FAR2: variants seen among roughly 807,000 people sequenced by gnomAD.
FAR2 encodes the protein epididymis secretory protein Li 81.
A neutral mutation model predicts 56.0 loss-of-function variants in FAR2; 19 were observed. The observed-to-expected ratio is 0.34, with a 90% confidence interval of 0.24 to 0.50. The LOEUF (loss-of-function observed/expected upper bound fraction) is 0.50. Ranked by LOEUF, FAR2 falls within the 20% of genes least tolerant of loss-of-function variation. The pLI is 0.98. For synonymous variants in FAR2, 219 were observed against 218.8 expected, an observed-to-expected ratio of 1.00 and a Z score of -0.01; for missense variants, 508 against 642.2, an observed-to-expected ratio of 0.79 and a Z score of 2.26.
chr12:29,162,874 C>G (rs539728211), intron 1 of FAR2, among the ~76,000 whole-genome samples: 2 of 152,176 alleles, frequency 1.3e-5, no homozygotes, highest in African/African-American at 4.8e-5. Context: ...CATTCTTTGA[C>G]GCATTCATTC....
chr12:29,256,115 A>G (rs1449499530), intron 1 of FAR2, among the ~76,000 whole-genome samples: 2 of 151,898 alleles, frequency 1.3e-5, no homozygotes, highest in Non-Finnish European at 2.9e-5. Flanking sequence ...CAGGTGATCC[A>G]CCCACCTCGG....
intron 1 of FAR2, among the ~76,000 whole-genome samples, chr12:29,170,911 C>T (rs1259116962): frequency 2.6e-5 from 4 of 152,232 alleles, no homozygotes; most frequent in African/African-American, 7.2e-5. Flanking sequence ...TTTTGCACTG[C>T]GTGCAACAAC....
rs1354978656 is a variant in FAR2, at chr12:29,270,444, G to A, written c.-6G>A. On this transcript the variant is annotated 5_prime_UTR_variant, in exon 2 of 12. Transcript: ENST00000536681. Reference sequence around the variant, plus strand: ...TTTCAGGAGCTATAAAAGAAAGGGAGGAATCATGTCCACAATTGCAGCTTT... The same window carrying A: ...TTTCAGGAGCTATAAAAGAAAGGGAAGAATCATGTCCACAATTGCAGCTTT... 6.5e-7 allele frequency: 1 copy of A among 1,548,774 alleles called. No homozygotes were observed. Among genetic ancestry groups the A allele is most frequent in the Non-Finnish European group, 8.8e-7 (1 of 1,136,934 alleles).
At chr12:29,299,259 G>T (rs1208245106) in intron 4 of FAR2, among the ~76,000 whole-genome samples, 1 of 145,230 alleles carries the variant, frequency 6.9e-6, no homozygotes, top group Non-Finnish European at 1.5e-5. Flanking sequence ...AAGAAAAGAA[G>T]TAAGAGTTCA....
intron 2 of FAR2, among the ~76,000 whole-genome samples, chr12:29,274,921 C>G (rs1948683492): frequency 2.0e-5 from 3 of 151,048 alleles, no homozygotes; most frequent in Admixed American, 2.0e-4. Context: ...TCACACAAAG[C>G]CTGTTTGGTG....
chr12:29,197,894 T>C (rs1950155899), intron 1 of FAR2, among the ~76,000 whole-genome samples: 1 of 152,124 alleles, frequency 6.6e-6, no homozygotes, highest in African/African-American at 2.4e-5. Flanking sequence ...TCAGACTTAA[T>C]ATAAGACCAT....
At chr12:29,181,578 A>G (rs1949992469) in intron 1 of FAR2, among the ~76,000 whole-genome samples, 2 of 104,482 alleles carry the variant, frequency 1.9e-5, no homozygotes, top group Non-Finnish European at 4.0e-5. Context: ...GACAGTAGAA[A>G]GAACCTGCCT....
intron 10 of FAR2, 77 bp from the exon 11 acceptor site, chr12:29,332,523 T>C (rs1949744706): frequency 6.3e-6 from 10 of 1,592,710 alleles, no homozygotes; most frequent in Admixed American, 1.7e-5. Flanking sequence ...CTCGTCTATG[T>C]AGAAGAAACC....
rs183433623 is a variant in FAR2, at chr12:29,323,506, C to T, written c.1257+1582C>T. On this transcript the variant is annotated intron_variant, in intron 10 of 11. Transcript: ENST00000536681. Reference sequence around the variant, plus strand: ...ACTGGGAGGCACCCCCCAGTAGGGGCGGACTGACACATCACACGGCCAGGT... The same window carrying T: ...ACTGGGAGGCACCCCCCAGTAGGGGTGGACTGACACATCACACGGCCAGGT... Among the ~76,000 whole-genome samples, 361 of 152,314 alleles carry T rather than the reference C, an allele frequency of 2.4e-3. 2 individuals carry two copies. Among genetic ancestry groups the T allele is most frequent in the Middle Eastern group, 0.02 (6 of 294 alleles).
intron 1 of FAR2, among the ~76,000 whole-genome samples, chr12:29,246,966 T>C (rs1451069210): frequency 6.6e-6 from 1 of 152,154 alleles, no homozygotes; most frequent in African/African-American, 2.4e-5. Context: ...ATAACTTTAT[T>C]AGTTATTTCA....
intron 2 of FAR2, among the ~76,000 whole-genome samples, chr12:29,274,136 G>A (rs563764748): frequency 6.6e-6 from 1 of 151,822 alleles, no homozygotes; most frequent in East Asian, 1.9e-4. Context: ...TTGGTGTGCT[G>A]CACCCATTAA....
intron 1 of FAR2, among the ~76,000 whole-genome samples, chr12:29,190,550 C>T (rs370052960): frequency 1.5e-4 from 23 of 152,166 alleles, no homozygotes; most frequent in African/African-American, 5.1e-4. Context: ...CTGAAATCTC[C>T]GACTCCCGGG....
intron 9 of FAR2, among the ~76,000 whole-genome samples, chr12:29,321,304 T>A (rs764235999): frequency 6.6e-6 from 1 of 152,076 alleles, no homozygotes; most frequent in Non-Finnish European, 1.5e-5. Flanking sequence ...GGCAGCTGGC[T>A]CCCTTGAGCC....
At position 29,270,408 on chromosome 12, in the gene FAR2, T is replaced by C. The variant is rs984438906; in HGVS notation, c.-38-4T>C. On this transcript the variant is annotated splice_polypyrimidine_tract_variant and splice_region_variant and intron_variant, in intron 1 of 11. Transcript: ENST00000536681. ...AATCTTTTGTTATTTCTCTTCCTTT[T>C]CAGGAACCTCTTTCAGGAGCTATAA... is the stretch of plus-strand genomic sequence containing the variant. 47 of 1,481,026 alleles carry C rather than the reference T, an allele frequency of 3.2e-5. No individual in the cohort carries two copies. Among genetic ancestry groups the C allele is most frequent in the Non-Finnish European group, 4.2e-5 (46 of 1,104,290 alleles). The allele number at this position is 1,481,026 out of a possible 1,614,324, so 91.7% of individuals were successfully genotyped here.
chr12:29,156,203 A>G (rs1490392734), intron 1 of FAR2, among the ~76,000 whole-genome samples: 1 of 152,242 alleles, frequency 6.6e-6, no homozygotes, highest in Non-Finnish European at 1.5e-5. Flanking sequence ...ACTATAGTCA[A>G]TGATAATGTA....
chr12:29,279,203 G>A (rs1272493691), intron 2 of FAR2, among the ~76,000 whole-genome samples: 1 of 152,180 alleles, frequency 6.6e-6, no homozygotes. Flanking sequence ...GGATGAATTA[G>A]GTATGTTTAT....
chr12:29,327,536 G>T (rs1391712812), intron 10 of FAR2, among the ~76,000 whole-genome samples: 2 of 152,150 alleles, frequency 1.3e-5, no homozygotes, highest in Admixed American at 6.5e-5. Context: ...AAACAGCATG[G>T]TACTGGCACC....
At chr12:29,223,389 C>G (rs903370461) in intron 1 of FAR2, among the ~76,000 whole-genome samples, 1 of 152,188 alleles carries the variant, frequency 6.6e-6, no homozygotes, top group Non-Finnish European at 1.5e-5. Flanking sequence ...AGTCCATATA[C>G]TGTGTCATAT....
intron 1 of FAR2, among the ~76,000 whole-genome samples, chr12:29,227,878 TAA>T (rs111448541): frequency 1.4e-5 from 2 of 147,022 alleles, no homozygotes; most frequent in Non-Finnish European, 1.5e-5. Context: ...TTTGCTAAGG[TAA>T]AAAAAAAAAA....
Sources: allele counts gnomAD v4.1 joint callset (sites outside exome capture counted in the v4.1 genomes callset), GRCh38; gene constraint gnomAD v4.1.1; transcripts MANE v1.5; gene names NCBI Gene and HGNC (gene_info 2026-07-23, HGNC 2026-07-21).